DMRT1: variants seen among roughly 807,000 people sequenced by gnomAD.
DMRT1 encodes the protein doublesex and mab-3 related transcription factor 1, also known as doublesex- and mab-3-related transcription factor 1.
Under a neutral mutation model 32.3 loss-of-function variants are expected in DMRT1, and 7 were observed. The observed-to-expected ratio is 0.22, with a 90% confidence interval of 0.12 to 0.41. The LOEUF is 0.41. Among genes scored for constraint, DMRT1 ranks in the 10% least tolerant of loss-of-function variants. The probability of loss-of-function intolerance (pLI) is 1.00; values close to 1 mark genes in which losing one functional copy is unlikely to be tolerated. For missense variants in DMRT1, 625 were observed against 500.5 expected (o/e 1.25, Z -2.37); for synonymous variants, 278 against 206.1 (o/e 1.35, Z -2.99).
At chr9:946,395 C>G (rs1041433016) in intron 4 of DMRT1, among the ~76,000 whole-genome samples, 3 of 152,100 alleles carry the variant, frequency 2.0e-5, no homozygotes, top group African/African-American at 7.2e-5. Flanking sequence ...TCCATCAGAG[C>G]CAGCATGGTA....
intron 1 of DMRT1, among the ~76,000 whole-genome samples, chr9:844,343 AT>A (rs1312782054): frequency 6.7e-6 from 1 of 149,378 alleles, no homozygotes; most frequent in Non-Finnish European, 1.5e-5. Context: ...GTATAGTTGC[AT>A]TTTTAATCAA....
At position 842,253 on chromosome 9, in the gene DMRT1, T is replaced by A. The variant is rs1424999122; in HGVS notation, c.354+61T>A. 9 of 1,442,572 alleles carry A rather than the reference T, an allele frequency of 6.2e-6. No individual in the cohort carries two copies. The East Asian group carries it at 2.4e-4, about 38-fold the overall frequency. The allele number at this position is 1,442,572 out of a possible 1,614,324, so 89.4% of individuals were successfully genotyped here. A position where few individuals can be genotyped will look rare whatever the true frequency, so the allele number is the denominator to read the frequency against. On this transcript the variant is annotated intron_variant, in intron 1 of 4. Coordinates refer to ENST00000382276, the MANE Select transcript of DMRT1 (RefSeq NM_021951.3). ...TAGTTTTTTTTTTTTTTTTTTTTTT[T>A]AGATGGAGTCTCGCTCGGTTGCCCA...
At chr9:914,702 C>G (rs1198306951) in intron 3 of DMRT1, among the ~76,000 whole-genome samples, 1 of 151,956 alleles carries the variant, frequency 6.6e-6, no homozygotes, top group Non-Finnish European at 1.5e-5. Flanking sequence ...GGGACTTACC[C>G]AGGTAAACTT....
At chr9:883,001 G>A (rs1381463758) in intron 2 of DMRT1, among the ~76,000 whole-genome samples, 2 of 151,512 alleles carry the variant, frequency 1.3e-5, no homozygotes. Flanking sequence ...CGAACTCCTG[G>A]CCTCCAGTGA....
At chr9:956,198 T>G (rs76527440) in intron 4 of DMRT1, among the ~76,000 whole-genome samples, 9,934 of 152,250 alleles carry the variant, frequency 0.065, 643 homozygotes, top group East Asian at 0.19. Flanking sequence ...ATGAGTCCAT[T>G]TATATGAGGT....
intron 3 of DMRT1, among the ~76,000 whole-genome samples, chr9:897,658 GGTT>G (rs1026378269): frequency 6.6e-6 from 1 of 151,472 alleles, no homozygotes; most frequent in African/African-American, 2.4e-5. Context: ...TGTCGTTGTT[GGTT>G]TTTTCCAATT....
intron 4 of DMRT1, among the ~76,000 whole-genome samples, chr9:930,779 AG>A (rs972269501): frequency 4.3e-5 from 5 of 117,180 alleles, no homozygotes; most frequent in South Asian, 2.4e-4. Context: ...CTGGGCCTCA[AG>A]CGGCCTGTTT....
In DMRT1 at chr9:875,820, C is replaced by A. The variant is rs559660950; in HGVS notation, c.539-18092C>A. Among the ~76,000 whole-genome samples the A allele has an allele frequency of 2.0e-3, 305 of 152,206 alleles. 1 individual carries two copies. Among genetic ancestry groups the A allele is most frequent in the Non-Finnish European group, 3.3e-3 (225 of 68,010 alleles). ...TGTGTGTGCATATATAGTGTATGTA[C>A]ACACACATATATATTTACGCTCATA... is the stretch of plus-strand genomic sequence containing the variant. On this transcript the variant is annotated intron_variant, in intron 2 of 4. Coordinates refer to ENST00000382276, the MANE Select transcript of DMRT1 (RefSeq NM_021951.3).
chr9:870,196 G>T (rs1157800718), intron 2 of DMRT1, among the ~76,000 whole-genome samples: 3 of 152,148 alleles, frequency 2.0e-5, no homozygotes, highest in Non-Finnish European at 4.4e-5. Context: ...TCAGGAGTTT[G>T]GGACCAGCCT....
chr9:892,483 C>T (rs1028409127), intron 2 of DMRT1, among the ~76,000 whole-genome samples: 26 of 152,146 alleles, frequency 1.7e-4, no homozygotes, highest in Non-Finnish European at 3.2e-4. Flanking sequence ...CATCTTAATT[C>T]CTGGCAGCCC....
chr9:945,397 C>T (rs138272175), intron 4 of DMRT1, among the ~76,000 whole-genome samples: 2,637 of 152,276 alleles, frequency 0.017, 31 homozygotes, highest in Non-Finnish European at 0.026. Context: ...CTCAGGTGAT[C>T]CACCGGCCTT....
rs543217464 is a variant in DMRT1, at chr9:861,401, C to G, written c.538+14258C>G. ...GGTTGGGGGTAAGGTTATAGATTAA[C>G]AGCATCCCAAGGCAGAAGAATTTTT... On this transcript the variant is annotated intron_variant, in intron 2 of 4. Coordinates refer to ENST00000382276, the MANE Select transcript of DMRT1 (RefSeq NM_021951.3). Among the ~76,000 whole-genome samples, 480 of 151,926 alleles carry G rather than the reference C, an allele frequency of 3.2e-3. 2 individuals carry two copies. The highest frequency in any genetic ancestry group is 0.011 in the African/African-American group (465 of 41,164).
rs1312698460 is a variant in DMRT1, at chr9:968,624, A to G, written c.*485A>G. 6.1e-6 allele frequency: 1 copy of G among 164,170 alleles called. No homozygotes were observed. Among genetic ancestry groups the G allele is most frequent in the East Asian group, 1.8e-4 (1 of 5,662 alleles). 10.2% of individuals were successfully genotyped at this position (164,170 alleles called of 1,614,324 possible). The stretch of plus-strand genomic sequence containing the variant: ...AGGCAAAATTAGTGATTTTTTTAGA[A>G]GTCTGCTAAATGGATATATTGTGTG... On this transcript the variant is annotated 3_prime_UTR_variant, in exon 5 of 5. Coordinates refer to ENST00000382276, the MANE Select transcript of DMRT1 (RefSeq NM_021951.3).
At chr9:905,301 A>G (rs1265661793) in intron 3 of DMRT1, among the ~76,000 whole-genome samples, 1 of 152,160 alleles carries the variant, frequency 6.6e-6, no homozygotes, top group East Asian at 1.9e-4. Flanking sequence ...AGGAACAGGG[A>G]AAAAGGTATT....
At chr9:864,504 T>A (rs1165813944) in intron 2 of DMRT1, among the ~76,000 whole-genome samples, 3 of 144,038 alleles carry the variant, frequency 2.1e-5, no homozygotes, top group African/African-American at 5.1e-5. Flanking sequence ...GTACTCTTTT[T>A]TTTTTTTTTT....
In DMRT1 at chr9:847,007, C is replaced by G. The variant is rs771785360; in HGVS notation, c.402C>G (p.Ser134Arg). The change falls in exon 2 of 5, where the codon AGC becomes AGG. Residue 134 changes from serine to arginine, a missense_variant. Physicochemically the swap from Ser to Arg is moderately radical, Grantham distance 110. Coordinates refer to ENST00000382276, the MANE Select transcript of DMRT1 (RefSeq NM_021951.3). The part of the protein sequence containing the change: ...QQAQEEELGI[S>R]HPIPLPSAAE... ...CCCAGGAGGAGGAATTGGGTATCAGCCACCCCATCCCACTGCCCAGTGCGG... is the reference window on the plus strand; with the variant it reads ...CCCAGGAGGAGGAATTGGGTATCAGGCACCCCATCCCACTGCCCAGTGCGG... The G allele has an allele frequency of 6.2e-7, 1 of 1,614,140 alleles. No homozygotes were observed. The highest frequency in any genetic ancestry group is 8.5e-7 in the Non-Finnish European group (1 of 1,180,048).
chr9:891,415 C>T (rs1404155630), intron 2 of DMRT1, among the ~76,000 whole-genome samples: 1 of 151,900 alleles, frequency 6.6e-6, no homozygotes, highest in Admixed American at 6.6e-5. Flanking sequence ...CGTACCACTG[C>T]ACTCCAGCCT....
intron 3 of DMRT1, among the ~76,000 whole-genome samples, chr9:905,037 G>C (rs989749830): frequency 2.0e-5 from 3 of 152,144 alleles, no homozygotes; most frequent in African/African-American, 7.2e-5. Flanking sequence ...ATGAGCCCTT[G>C]CTGTGGCATG....
rs568460221 is a variant in DMRT1 at position 895,480 on chromosome 9, A to G, written c.822+1285A>G. Among the ~76,000 whole-genome samples the G allele has an allele frequency of 3.9e-5, 6 of 152,294 alleles. No homozygotes were observed. In the South Asian group the frequency reaches 1.0e-3, roughly 26 times the overall value. ...TTTGATTCAACGCAATGCCACATATATATTTGGGAGTTCAGTGCAAGTGTT... is the reference window on the plus strand; with the variant it reads ...TTTGATTCAACGCAATGCCACATATGTATTTGGGAGTTCAGTGCAAGTGTT... On this transcript the variant is annotated intron_variant, in intron 3 of 4. Coordinates refer to ENST00000382276, the MANE Select transcript of DMRT1 (RefSeq NM_021951.3).
Sources: allele counts gnomAD v4.1 joint callset (sites outside exome capture counted in the v4.1 genomes callset), GRCh38; gene constraint gnomAD v4.1.1; transcripts MANE v1.5; gene names NCBI Gene and HGNC (gene_info 2026-07-23, HGNC 2026-07-21).